Variants in TSHZ3 observed in about 807,000 individuals in gnomAD.
TSHZ3 encodes teashirt zinc finger homeobox 3.
In TSHZ3, 10 loss-of-function variants were observed where a neutral mutation model predicts 64.5. That is an observed-to-expected ratio of 0.16 (90% CI 0.10 to 0.26). TSHZ3 has a LOEUF of 0.26. Ranked by LOEUF, TSHZ3 falls within the 10% of genes least tolerant of loss-of-function variation. The pLI is 1.00. For missense variants in TSHZ3, 1,242 were observed against 1,421.7 expected, an observed-to-expected ratio of 0.87 and a Z score of 2.03; for synonymous variants, 608 against 593.1, an observed-to-expected ratio of 1.03 and a Z score of -0.36.
At position 31,173,046 on chromosome 19, in the gene TSHZ3, C is replaced by T. The variant is rs551570350; in HGVS notation, n.810-16629G>A. Among the ~76,000 whole-genome samples the T allele has an allele frequency of 1.1e-4, 16 of 152,288 alleles. 2 individuals carry two copies. In the South Asian group the frequency reaches 3.1e-3, roughly 30 times the overall value. The stretch of plus-strand genomic sequence containing the variant: ...CTCATGCTTAGATGAAATGGCAGTC[C>T]TTTGTAGGGCTCTTGAGCTGAGAAG... On this transcript the variant is annotated intron_variant and non_coding_transcript_variant, in intron 5 of 6. Transcript: ENST00000651361.
intron 5 of TSHZ3, chr19:31,195,670 A>T (rs1168389931): frequency 6.6e-6 from 1 of 152,086 alleles, no homozygotes; most frequent in Non-Finnish European, 1.5e-5. Context: ...ATCTACATAA[A>T]AAAAGGAAGA....
Position 31,349,315 on chromosome 19 carries a change from G to C in TSHZ3, c.-96C>G. On this transcript the variant is annotated 5_prime_UTR_variant, in exon 1 of 2. Coordinates refer to ENST00000240587, the MANE Select transcript of TSHZ3 (RefSeq NM_020856.4). ...CGGCGGGCCCGCGGGGGGGCGAGGC[G>C]GGCCTGCTCTCAGCCTCCCCCCCGG... The C allele has an allele frequency of 3.1e-6, 4 of 1,278,410 alleles. No homozygotes were observed. Among genetic ancestry groups the C allele is most frequent in the Non-Finnish European group, 4.1e-6 (4 of 969,776 alleles). The allele number at this position is 1,278,410 out of a possible 1,614,324, so 79.2% of individuals were successfully genotyped here.
intron 1 of TSHZ3, among the ~76,000 whole-genome samples, chr19:31,328,719 CTAGATGG>C (rs1408045780): frequency 6.6e-6 from 1 of 152,024 alleles, no homozygotes; most frequent in Non-Finnish European, 1.5e-5. Context: ...AGGGTCAGGC[CTAGATGG>C]TATATAAACT....
intron 5 of TSHZ3, among the ~76,000 whole-genome samples, chr19:31,179,534 A>C (rs1340709353): frequency 6.6e-6 from 1 of 152,214 alleles, no homozygotes; most frequent in Non-Finnish European, 1.5e-5. Context: ...GGGCAAACAG[A>C]GAATCTATCC....
intron 4 of TSHZ3, among the ~76,000 whole-genome samples, chr19:31,208,753 C>A (rs1438849599): frequency 6.6e-6 from 1 of 152,188 alleles, no homozygotes; most frequent in Non-Finnish European, 1.5e-5. Flanking sequence ...GATTCCTGAA[C>A]TGTGGCCACA....
intron 1 of TSHZ3, among the ~76,000 whole-genome samples, chr19:31,290,254 C>T (rs1403784062): frequency 1.3e-5 from 2 of 152,162 alleles, no homozygotes; most frequent in African/African-American, 2.4e-5. Flanking sequence ...TGGATTGCCA[C>T]TAACCAAACA....
intron 5 of TSHZ3, among the ~76,000 whole-genome samples, chr19:31,198,784 G>A (rs150282330): frequency 3.7e-4 from 57 of 152,134 alleles, no homozygotes; most frequent in South Asian, 6.2e-4. Context: ...AATCAAGGAA[G>A]GACTAAATAA....
intron 1 of TSHZ3, among the ~76,000 whole-genome samples, chr19:31,303,213 C>T (rs549419850): frequency 5.3e-5 from 8 of 152,292 alleles, no homozygotes; most frequent in African/African-American, 1.4e-4. Context: ...GCCTTCACTC[C>T]GGCAAATCGC....
intron 3 of TSHZ3, among the ~76,000 whole-genome samples, chr19:31,229,912 T>C (rs1447343479): frequency 6.6e-6 from 1 of 152,184 alleles, no homozygotes; most frequent in East Asian, 1.9e-4. Flanking sequence ...GAAAAGATTA[T>C]GTAGAGCCTG....
At chr19:31,308,025 G>A (rs574518400) in intron 1 of TSHZ3, among the ~76,000 whole-genome samples, 3 of 152,184 alleles carry the variant, frequency 2.0e-5, no homozygotes, top group Admixed American at 6.5e-5. Flanking sequence ...GTCTGTCATC[G>A]GGAGCCCAGC....
intron 5 of TSHZ3, among the ~76,000 whole-genome samples, chr19:31,200,234 T>C (rs1975060028): frequency 6.6e-6 from 1 of 151,952 alleles, no homozygotes; most frequent in African/African-American, 2.4e-5. Flanking sequence ...CCTAAAGGAC[T>C]CAAAAACTTA....
intron 1 of TSHZ3, among the ~76,000 whole-genome samples, chr19:31,339,846 G>A (rs1347904874): frequency 2.0e-5 from 3 of 150,762 alleles, no homozygotes; most frequent in South Asian, 2.1e-4. Context: ...AAAAGGCCAC[G>A]CACGTGTCGA....
At chr19:31,269,426 C>T (rs1345894707) in intron 1 of TSHZ3, among the ~76,000 whole-genome samples, 1 of 152,048 alleles carries the variant, frequency 6.6e-6, no homozygotes, top group Non-Finnish European at 1.5e-5. Flanking sequence ...TCCTTCCCGA[C>T]AGACACACCT....
At chr19:31,181,884 T>A (rs910111205) in intron 5 of TSHZ3, among the ~76,000 whole-genome samples, 2 of 152,118 alleles carry the variant, frequency 1.3e-5, no homozygotes, top group Middle Eastern at 3.2e-3. Context: ...TGATGAGGAA[T>A]CCTGGGTCAA....
At chr19:31,213,356 C>CAAAAAAAAAAAAAAAAAAAAA (rs35192337) in intron 4 of TSHZ3, among the ~76,000 whole-genome samples, 6 of 23,308 alleles carry the variant, frequency 2.6e-4, no homozygotes, top group Admixed American at 1.1e-3. Context: ...GACTCTGTCT[C>CAAAAAAAAAAAAAAAAAAAAA]AAAAAAAAAA....
chr19:31,204,025 G>C (rs570157687), intron 5 of TSHZ3, among the ~76,000 whole-genome samples: 1 of 152,234 alleles, frequency 6.6e-6, no homozygotes, highest in East Asian at 1.9e-4. Flanking sequence ...ATGGCTGCAA[G>C]AGAGCGAAGT....
At chr19:31,156,955 G>A (rs1299721575) in intron 5 of TSHZ3, among the ~76,000 whole-genome samples, 4 of 152,162 alleles carry the variant, frequency 2.6e-5, no homozygotes, top group Non-Finnish European at 5.9e-5. Flanking sequence ...CCAGGCCCAG[G>A]AGTCCCTCAT....
chr19:31,202,143 G>A (rs1975096826), intron 5 of TSHZ3, among the ~76,000 whole-genome samples: 1 of 151,976 alleles, frequency 6.6e-6, no homozygotes, highest in Non-Finnish European at 1.5e-5. Flanking sequence ...TCTGGCCTGG[G>A]CAACAGAGCG....
intron 1 of TSHZ3, among the ~76,000 whole-genome samples, chr19:31,245,226 A>G (rs1975745394): frequency 6.6e-6 from 1 of 152,196 alleles, no homozygotes; most frequent in Non-Finnish European, 1.5e-5. Context: ...ATTTGAGTCC[A>G]GGCCCCAACA....
Sources: allele counts gnomAD v4.1 joint callset (sites outside exome capture counted in the v4.1 genomes callset), GRCh38; gene constraint gnomAD v4.1.1; transcripts MANE v1.5; gene names NCBI Gene and HGNC (gene_info 2026-07-23, HGNC 2026-07-21).